ELAC2: variants seen among roughly 807,000 people sequenced by gnomAD.
ELAC2 encodes the protein zinc phosphodiesterase ELAC protein 2.
ELAC2 carries 92 observed loss-of-function variants against 105.2 expected under a neutral mutation model. The ratio of observed to expected loss-of-function variants is 0.87; its 90% CI spans 0.74 to 1.04. The LOEUF (loss-of-function observed/expected upper bound fraction) is 1.04. Among genes scored for constraint, ELAC2 ranks in the 50% least tolerant of loss-of-function variants. The probability of loss-of-function intolerance (pLI) is 0.00; values close to 1 mark genes in which losing one functional copy is unlikely to be tolerated. For synonymous variants in ELAC2, 468 were observed against 409.1 expected (o/e 1.14, Z -1.74); for missense variants, 1,099 against 1,071.7 (o/e 1.03, Z -0.36).
chr17:13,014,989 G>C (rs1464360360), intron 4 of ELAC2, among the ~76,000 whole-genome samples: 2 of 152,252 alleles, frequency 1.3e-5, no homozygotes, highest in Non-Finnish European at 2.9e-5. Context: ...TGCAGCTGCA[G>C]TTCAGCGATG....
intron 12 of ELAC2, 78 bp downstream of exon 12, chr17:13,003,401 A>G (rs766163099): frequency 1.5e-6 from 2 of 1,355,688 alleles, no homozygotes; most frequent in Non-Finnish European, 2.1e-6. Context: ...AGCGCTGGAA[A>G]GAGCACGAGG....
rs376847117 is a variant in ELAC2 at position 13,002,227 on chromosome 17, T to G, written c.1304+47A>C. ...ACTATGTGGCTATTTACAGAAATGT[T>G]TCCCAACTCGACTGAGACGATTCCA... On this transcript the variant is annotated intron_variant, in intron 14 of 23. Transcript: ENST00000338034. The G allele has an allele frequency of 6.2e-6, 10 of 1,602,536 alleles. No homozygotes were observed. In the African/African-American group the frequency reaches 1.3e-4, roughly 21 times the overall value.
chr17:13,002,308 TGAG>T lies in ELAC2; in HGVS notation c.1267_1269del (p.Leu423del), dbSNP rs761005168. 1 of 1,614,126 alleles carries T rather than the reference TGAG, an allele frequency of 6.2e-7. No individual in the cohort carries two copies. The highest frequency in any genetic ancestry group is 2.2e-5 in the East Asian group (1 of 44,874). On this transcript the variant is annotated inframe_deletion, in exon 14 of 24. Transcript: ENST00000338034. Reference sequence around the variant, plus strand: ...TCCCTCCTGGGACGGAGCTGGTACTTGAGGAGGCATTCACCCTGAACCATGGGC... The same window carrying T: ...TCCCTCCTGGGACGGAGCTGGTACTTGAGGCATTCACCCTGAACCATGGGC...
intron 6 of ELAC2, among the ~76,000 whole-genome samples, chr17:13,012,229 C>T (rs1426738401): frequency 2.6e-5 from 4 of 152,146 alleles, no homozygotes; most frequent in Non-Finnish European, 4.4e-5. Flanking sequence ...CACTGAGGGC[C>T]GCTGGACACT....
Position 13,015,400 on chromosome 17 carries a change from A to T in ELAC2, c.432+368T>A, listed in dbSNP as rs112884536. On this transcript the variant is annotated intron_variant, in intron 4 of 23. Coordinates refer to ENST00000338034, the MANE Select transcript of ELAC2 (RefSeq NM_018127.7). The stretch of plus-strand genomic sequence containing the variant: ...TAATAAGCTGGACTGAAAGGTAAGA[A>T]GATGTCAGAAATTTATTGAATAAAA... Among the ~76,000 whole-genome samples, 125 of 152,378 alleles carry T rather than the reference A, an allele frequency of 8.2e-4. 2 individuals carry two copies. Among genetic ancestry groups the T allele is most frequent in the African/African-American group, 2.9e-3 (121 of 41,586 alleles).
Position 12,993,765 on chromosome 17 carries a change from G to A in ELAC2, c.2175C>T (p.Phe725=). 2 of 1,614,186 alleles carry A rather than the reference G, an allele frequency of 1.2e-6. No individual in the cohort carries two copies. The highest frequency in any genetic ancestry group is 1.1e-5 in the South Asian group (1 of 91,076). Reference sequence around the variant, plus strand: ...GGGGGACCTTGGCATAGCGCTGGCTGAAGTGGTTCAGCATAATGAACTCCG... The same window carrying A: ...GGGGGACCTTGGCATAGCGCTGGCTAAAGTGGTTCAGCATAATGAACTCCG... ...MNAEFIMLNH[F]SQRYAKVPLF... is the part of the protein sequence containing the mutation. Residue 725 remains phenylalanine (F), a synonymous_variant, in exon 23 of 24, where the codon TTC becomes TTT. Coordinates refer to ENST00000338034, the MANE Select transcript of ELAC2 (RefSeq NM_018127.7).
At position 13,004,980 on chromosome 17, in the gene ELAC2, C is replaced by T. The variant is rs760385942; in HGVS notation, c.983+9G>A. 4.4e-5 allele frequency: 70 copies of T among 1,602,686 alleles called. No individual in the cohort carries two copies. Among genetic ancestry groups the T allele is most frequent in the Admixed American group, 1.0e-4 (6 of 59,976 alleles). Reference sequence around the variant, plus strand: ...TCTCACTTCTCCCACCCTAGAGACCCCTCATTACCTCTGAAAGGTGGCATT... The same window carrying T: ...TCTCACTTCTCCCACCCTAGAGACCTCTCATTACCTCTGAAAGGTGGCATT... On this transcript the variant is annotated intron_variant, in intron 11 of 23. Transcript: ENST00000338034.
intron 8 of ELAC2, 178 bp from the exon 9 acceptor site, chr17:13,006,157 G>A: frequency 1.5e-6 from 1 of 670,052 alleles, no homozygotes. Context: ...GATCACCTGA[G>A]GTCAGGAGTT....
At chr17:13,002,744 G>A (rs2040885980) in intron 12 of ELAC2, 165 bp from the exon 13 acceptor site, 1 of 1,121,306 alleles carries the variant, frequency 8.9e-7, no homozygotes, top group African/African-American at 1.5e-5. Context: ...CACTCCTGCT[G>A]TCTCAAAGCC....
rs1375572782 is a variant in ELAC2, at chr17:12,999,710, G to A, written c.1423+446C>T. On this transcript the variant is annotated intron_variant, in intron 15 of 23. Transcript: ENST00000338034. ...GTCTCACTCTGTCGTCCAGGCTGGA[G>A]CGCAGTGGCACGACCTTGGCTCACT... Among the ~76,000 whole-genome samples, 3 of 152,146 alleles carry A rather than the reference G, an allele frequency of 2.0e-5. No homozygotes were observed. In the East Asian group the frequency reaches 5.8e-4, roughly 30 times the overall value.
At chr17:12,994,398 C>A (rs200293959) in intron 22 of ELAC2, 27 bp downstream of exon 22, 9 of 1,613,348 alleles carry the variant, frequency 5.6e-6, no homozygotes, top group Middle Eastern at 1.7e-4. Context: ...AGGATGTGGG[C>A]GACAAGGACT....
rs886191624 is a variant in ELAC2 at position 12,992,382 on chromosome 17, A to AACTC, written c.*432_*435dup. On this transcript the variant is annotated 3_prime_UTR_variant, in exon 24 of 24. Coordinates refer to ENST00000338034, the MANE Select transcript of ELAC2 (RefSeq NM_018127.7). The stretch of plus-strand genomic sequence containing the variant: ...TAGCAGCAGCAGGAGGAAGCAAAAG[A>AACTC]ACTCACAATTGCAAACTCAATCTTT... 2.5e-5 allele frequency: 9 copies of AACTC among 359,338 alleles called. No individual in the cohort carries two copies. The highest frequency in any genetic ancestry group is 4.1e-5 in the African/African-American group (2 of 48,984). The allele number at this position is 359,338 out of a possible 1,614,324, so 22.3% of individuals were successfully genotyped here. A position where few individuals can be genotyped will look rare whatever the true frequency, so the allele number is the denominator to read the frequency against.
rs2040857188 is a variant in ELAC2, at chr17:13,002,332, TG to T, written c.1245del (p.Met416TrpfsTer32). On this transcript the variant is annotated frameshift_variant, in exon 14 of 24. Transcript: ENST00000338034. LOFTEE classifies it high-confidence loss of function. ...TTGAGGAGGCATTCACCCTGAACCA[TG>T]GGCACACTGAGGGTGGGGCCCTCCT... ...CKKEGPTLSVPMVQGECLLKY... is the reference protein window; with the variant it reads ...CKKEGPTLSVXMVQGECLLKY... The T allele has an allele frequency of 1.2e-6, 2 of 1,614,084 alleles. No individual in the cohort carries two copies. Among genetic ancestry groups the T allele is most frequent in the African/African-American group, 2.7e-5 (2 of 74,928 alleles).
chr17:13,008,265 A>T (rs143218793), intron 8 of ELAC2, among the ~76,000 whole-genome samples: 3,243 of 152,164 alleles, frequency 0.021, 41 homozygotes, highest in Non-Finnish European at 0.034. Flanking sequence ...TAATCCCAGC[A>T]CTTTGGGAGG....
At chr17:13,000,631 T>C (rs2040740652) in intron 14 of ELAC2, 1 of 352,620 alleles carries the variant, frequency 2.8e-6, no homozygotes, top group Non-Finnish European at 5.5e-6. Context: ...TGTTGCCAAA[T>C]GTCCTCTGAG....
At chr17:13,008,572 T>A (rs2041240151) in intron 8 of ELAC2, among the ~76,000 whole-genome samples, 1 of 152,092 alleles carries the variant, frequency 6.6e-6, no homozygotes, top group Non-Finnish European at 1.5e-5. Flanking sequence ...CCCTGGGAGC[T>A]GAACTCAACC....
intron 17 of ELAC2, 139 bp from the exon 18 acceptor site, chr17:12,996,117 G>A (rs2040456568): frequency 1.1e-6 from 1 of 931,428 alleles, no homozygotes; most frequent in South Asian, 1.4e-5. Flanking sequence ...AGTGGGGGTG[G>A]CACAGGCCGA....
intron 23 of ELAC2, among the ~76,000 whole-genome samples, chr17:12,993,261 A>C (rs887865432): frequency 2.0e-5 from 3 of 152,174 alleles, no homozygotes; most frequent in Non-Finnish European, 4.4e-5. Context: ...GCCTCCGGAG[A>C]GGGAAGGGAG....
chr17:13,003,436 C>T, intron 12 of ELAC2, 43 bp downstream of exon 12: 1 of 1,575,988 alleles, frequency 6.3e-7, no homozygotes, highest in Non-Finnish European at 8.7e-7. Context: ...TCCACCACTG[C>T]CCAGAAGAGT....
Sources: allele counts gnomAD v4.1 joint callset (sites outside exome capture counted in the v4.1 genomes callset), GRCh38; gene constraint gnomAD v4.1.1; transcripts MANE v1.5; gene names NCBI Gene and HGNC (gene_info 2026-07-23, HGNC 2026-07-21).